MTA3: variants seen among roughly 807,000 people sequenced by gnomAD.
The protein encoded by MTA3 is metastasis-associated protein MTA3.
MTA3 carries 34 observed loss-of-function variants against 83.5 expected under a neutral mutation model. The observed-to-expected ratio is 0.41, with a 90% CI of 0.31 to 0.54. MTA3 has a LOEUF of 0.54. Ranked by LOEUF, MTA3 falls within the 20% of genes least tolerant of loss-of-function variation. The pLI is 0.33. For missense variants in MTA3, 761 were observed against 726.4 expected, an observed-to-expected ratio of 1.05 and a Z score of -0.55; for synonymous variants, 303 against 252.7, an observed-to-expected ratio of 1.20 and a Z score of -1.89.
chr2:42,665,489 C>G (rs145286057), intron 8 of MTA3, among the ~76,000 whole-genome samples: 2 of 152,212 alleles, frequency 1.3e-5, no homozygotes, highest in African/African-American at 2.4e-5. Context: ...CCAAGGAAAT[C>G]CTGCATTAGT....
chr2:42,514,885 G>T (rs1675070681), intron 2 of MTA3, among the ~76,000 whole-genome samples: 1 of 150,032 alleles, frequency 6.7e-6, no homozygotes. Flanking sequence ...AGATGAGGTT[G>T]CCACTGTGTT....
At chr2:42,681,105 T>C (rs1691856127) in intron 8 of MTA3, among the ~76,000 whole-genome samples, 1 of 152,034 alleles carries the variant, frequency 6.6e-6, no homozygotes, top group Non-Finnish European at 1.5e-5. Flanking sequence ...GGCCCAGGAG[T>C]TCAACGTTAT....
At chr2:42,702,232 A>G (rs1166052109) in intron 11 of MTA3, 1 of 152,282 alleles carries the variant, frequency 6.6e-6, no homozygotes, top group African/African-American at 2.4e-5. Flanking sequence ...TAAATAAATA[A>G]AATAAAAATA....
chr2:42,634,547 A>T (rs1003186558), intron 4 of MTA3, among the ~76,000 whole-genome samples: 2 of 152,156 alleles, frequency 1.3e-5, no homozygotes, highest in Admixed American at 6.5e-5. Flanking sequence ...CCGTGATCCA[A>T]TCACCACCCA....
chr2:42,731,803 G>A (rs1573792559), intron 16 of MTA3, among the ~76,000 whole-genome samples: 1 of 152,154 alleles, frequency 6.6e-6, no homozygotes, highest in Non-Finnish European at 1.5e-5. Flanking sequence ...TCTCATTTGA[G>A]TCAAGGCAAG....
At chr2:42,682,729 C>T (rs1692037470) in intron 9 of MTA3, 140 bp downstream of exon 9, 1 of 754,230 alleles carries the variant, frequency 1.3e-6, no homozygotes, top group East Asian at 2.7e-5. Flanking sequence ...GAAGGTTAGT[C>T]TTGTAAAGGG....
chr2:42,665,993 G>C (rs1028244315), intron 8 of MTA3, among the ~76,000 whole-genome samples: 1 of 152,118 alleles, frequency 6.6e-6, no homozygotes, highest in Non-Finnish European at 1.5e-5. Context: ...AAGTGTAACT[G>C]TTGGCCAGGT....
Position 42,573,243 on chromosome 2 carries a change from T to G in MTA3, c.96+2739T>G, listed in dbSNP as rs112505314. ...AATGCCATCTGGTAACTTGTTCAGTTTTGTCTTGAGAAGGCAAGCCTGACC... is the reference window on the plus strand; with the variant it reads ...AATGCCATCTGGTAACTTGTTCAGTGTTGTCTTGAGAAGGCAAGCCTGACC... On this transcript the variant is annotated intron_variant, in intron 2 of 16. Coordinates refer to ENST00000405094, the MANE Select transcript of MTA3 (RefSeq NM_001330442.2). Among the ~76,000 whole-genome samples, 1,481 of 152,324 alleles carry G rather than the reference T, an allele frequency of 9.7e-3. 29 individuals carry two copies. Among genetic ancestry groups the G allele is most frequent in the African/African-American group, 0.034 (1,402 of 41,554 alleles).
rs914371158 is a variant in MTA3 at position 42,718,969 on chromosome 2, T to G, written c.1526-19T>G. The G allele has an allele frequency of 1.3e-6, 2 of 1,533,518 alleles. No homozygotes were observed. Among genetic ancestry groups the G allele is most frequent in the East Asian group, 2.5e-5 (1 of 40,804 alleles). The allele number at this position is 1,533,518 out of a possible 1,614,324, so 95.0% of individuals were successfully genotyped here. A position where few individuals can be genotyped will look rare whatever the true frequency, so the allele number is the denominator to read the frequency against. On this transcript the variant is annotated intron_variant, in intron 14 of 16. Coordinates refer to ENST00000405094, the MANE Select transcript of MTA3 (RefSeq NM_001330442.2). Reference sequence around the variant, plus strand: ...AAATCCATTTCATTGGTTATCTCCATGTTTCTTTCTCTCCTCAGATGCAGA... The same window carrying G: ...AAATCCATTTCATTGGTTATCTCCAGGTTTCTTTCTCTCCTCAGATGCAGA...
At chr2:42,653,762 A>G (rs919601745) in intron 6 of MTA3, among the ~76,000 whole-genome samples, 9 of 152,344 alleles carry the variant, frequency 5.9e-5, no homozygotes, top group Non-Finnish European at 1.3e-4. Context: ...AAATTTGTCA[A>G]TTTAACTGAC....
chr2:42,534,980 GACAA>G (rs1016308286), intron 2 of MTA3, among the ~76,000 whole-genome samples: 2 of 152,040 alleles, frequency 1.3e-5, no homozygotes, highest in African/African-American at 4.8e-5. Context: ...AATGAAAGCA[GACAA>G]ACAAGATTGA....
intron 6 of MTA3, among the ~76,000 whole-genome samples, chr2:42,649,135 C>T (rs973516936): frequency 4.6e-5 from 7 of 152,176 alleles, no homozygotes; most frequent in African/African-American, 1.7e-4. Context: ...TGGCTCACTC[C>T]TGTAATCCCA....
At chr2:42,600,877 G>A (rs563133562) in intron 3 of MTA3, among the ~76,000 whole-genome samples, 1 of 151,914 alleles carries the variant, frequency 6.6e-6, no homozygotes, top group Admixed American at 6.6e-5. Context: ...TATTTGCTGA[G>A]TAGAGTTTGT....
chr2:42,601,969 A>T (rs1682633843), intron 3 of MTA3, among the ~76,000 whole-genome samples: 1 of 152,136 alleles, frequency 6.6e-6, no homozygotes, highest in Non-Finnish European at 1.5e-5. Context: ...CCCCCTGAGT[A>T]GCTGGGATTA....
intron 4 of MTA3, among the ~76,000 whole-genome samples, chr2:42,627,917 C>G (rs1294176613): frequency 6.6e-6 from 1 of 151,822 alleles, no homozygotes; most frequent in African/African-American, 2.4e-5. Context: ...CAGAGCCTCA[C>G]TCTGTTGCCC....
At chr2:42,689,872 G>A (rs766811375) in intron 9 of MTA3, among the ~76,000 whole-genome samples, 1 of 140,572 alleles carries the variant, frequency 7.1e-6, no homozygotes, top group African/African-American at 2.6e-5. Context: ...TGGTTTGATT[G>A]ACTTTGCTCT....
chr2:42,498,346 G>A (rs780005604), intron 2 of MTA3, among the ~76,000 whole-genome samples: 7 of 152,206 alleles, frequency 4.6e-5, no homozygotes, highest in Non-Finnish European at 8.8e-5. Flanking sequence ...GTGTTCAGAA[G>A]ACCACCAGGA....
In MTA3 at chr2:42,540,393, T is replaced by C. The variant is rs568496110; in HGVS notation, c.-140-30044T>C. ...TCTTCTATGTTGCCCAAGCTGGTCTTGAACTCCTGGTCTCAAGCAATCCTC... is the reference window on the plus strand; with the variant it reads ...TCTTCTATGTTGCCCAAGCTGGTCTCGAACTCCTGGTCTCAAGCAATCCTC... On this transcript the variant is annotated intron_variant, in intron 2 of 17. Transcript: ENST00000405592. 3.3e-5 allele frequency among the ~76,000 whole-genome samples: 5 copies of C among 151,904 alleles called. No individual in the cohort carries two copies. The South Asian group carries it at 1.0e-3, about 32-fold the overall frequency.
chr2:42,749,408 T>C (rs1268929958), intron 16 of MTA3, among the ~76,000 whole-genome samples: 3 of 152,192 alleles, frequency 2.0e-5, no homozygotes, highest in Non-Finnish European at 4.4e-5. Context: ...ACCCCTCCAA[T>C]TTTTACCTGA....
Sources: allele counts gnomAD v4.1 joint callset (sites outside exome capture counted in the v4.1 genomes callset), GRCh38; gene constraint gnomAD v4.1.1; transcripts MANE v1.5; gene names NCBI Gene and HGNC (gene_info 2026-07-23, HGNC 2026-07-21).